The following ARMH4 variants were observed in gnomAD, a reference collection of about 807,000 sequenced individuals.
ARMH4 encodes the protein armadillo like helical domain containing 4.
Under a neutral mutation model 61.9 loss-of-function variants are expected in ARMH4, and 49 were observed. The ratio of observed to expected loss-of-function variants is 0.79; its 90% CI spans 0.63 to 1.00. The LOEUF is 1.00. Among genes scored for constraint, ARMH4 ranks in the 50% least tolerant of loss-of-function variants. The probability of loss-of-function intolerance (pLI) is 0.00; values close to 1 mark genes in which losing one functional copy is unlikely to be tolerated. For missense variants in ARMH4, 934 were observed against 930.0 expected (o/e 1.00, Z -0.06); for synonymous variants, 368 against 341.5 (o/e 1.08, Z -0.85).
At chr14:58,078,665 T>C (rs1885125826) in intron 5 of ARMH4, among the ~76,000 whole-genome samples, 1 of 152,276 alleles carries the variant, frequency 6.6e-6, no homozygotes, top group Admixed American at 6.5e-5. Context: ...TTTGGGTTTA[T>C]GGATCATAAG....
At chr14:58,018,465 T>A (rs530174594) in intron 5 of ARMH4, among the ~76,000 whole-genome samples, 2 of 100,986 alleles carry the variant, frequency 2.0e-5, no homozygotes, top group Admixed American at 1.9e-4. Context: ...AATAGACATT[T>A]CTCAAAAAAA....
At chr14:58,064,979 T>C (rs1884655912) in intron 5 of ARMH4, among the ~76,000 whole-genome samples, 1 of 152,124 alleles carries the variant, frequency 6.6e-6, no homozygotes, top group Non-Finnish European at 1.5e-5. Flanking sequence ...TGTGGTGGTT[T>C]ATGCCTGTAA....
At chr14:58,028,291 T>C (rs1883091905) in intron 5 of ARMH4, among the ~76,000 whole-genome samples, 1 of 152,250 alleles carries the variant, frequency 6.6e-6, no homozygotes, top group Non-Finnish European at 1.5e-5. Context: ...CTGTACACCC[T>C]GAATTGCAGC....
At chr14:58,056,776 C>A (rs934318197) in intron 5 of ARMH4, among the ~76,000 whole-genome samples, 2 of 152,176 alleles carry the variant, frequency 1.3e-5, no homozygotes, top group Non-Finnish European at 2.9e-5. Context: ...CATTGAAACC[C>A]ATTCTCCCCT....
chr14:58,094,084 C>G (rs1002202530), intron 5 of ARMH4, among the ~76,000 whole-genome samples: 8 of 152,088 alleles, frequency 5.3e-5, no homozygotes, highest in Non-Finnish European at 1.0e-4. Context: ...AACCCCAGCA[C>G]TTTGGGAGGC....
At chr14:58,102,858 G>C (rs1436527712) in intron 4 of ARMH4, among the ~76,000 whole-genome samples, 1 of 150,138 alleles carries the variant, frequency 6.7e-6, no homozygotes, top group Admixed American at 6.6e-5. Context: ...CAGAGGTCAG[G>C]CACGGTGGCT....
chr14:58,038,552 T>TAAA (rs71448937), intron 5 of ARMH4, among the ~76,000 whole-genome samples: 35,920 of 136,210 alleles, frequency 0.26, 4,898 homozygotes, highest in Non-Finnish European at 0.3. Flanking sequence ...TAAAGTATAA[T>TAAA]AAAAAAAAAT....
Position 58,004,749 on chromosome 14 carries a change from T to C in ARMH4, c.2312A>G (p.Glu771Gly). The change falls in exon 8 of 8, where the codon GAA becomes GGA. Residue 771 changes from glutamate (E) to glycine (G), a missense_variant. Transcript: ENST00000267485. Reference protein sequence around the residue: ...DRVMLLADSSEDEF With the variant: ...DRVMLLADSSGDEF ...ACCCAGTCCAATTCAAAATTCATCT[T>C]CAGAGCTGTCGGCTAAGAGCATTAC... 6.2e-7 allele frequency: 1 copy of C among 1,609,140 alleles called. No homozygotes were observed.
chr14:58,152,200 G>T lies in ARMH4; in HGVS notation c.-182C>A. 6.4e-6 allele frequency: 1 copy of T among 155,746 alleles called. No homozygotes were observed. Among genetic ancestry groups the T allele is most frequent in the South Asian group, 1.8e-4 (1 of 5,714 alleles). 9.6% of individuals were successfully genotyped at this position (155,746 alleles called of 1,614,324 possible). ...GGCGGCGACTCCCTCCGCTGTCTGG[G>T]ACGCTAGGGGGAGGGCGCTTCGCTT... On this transcript the variant is annotated 5_prime_UTR_variant, in exon 1 of 8. Coordinates refer to ENST00000267485, the MANE Select transcript of ARMH4 (RefSeq NM_001001872.4).
intron 2 of ARMH4, 48 bp from the exon 3 acceptor site, chr14:58,133,389 TA>T (rs201967710): frequency 0.015 from 19,530 of 1,292,026 alleles, 41 homozygotes; most frequent in African/African-American, 0.048. Context: ...CCTATTTTTT[TA>T]AAAAAAAAAA....
At chr14:58,112,103 T>C (rs1363362924) in intron 4 of ARMH4, among the ~76,000 whole-genome samples, 6 of 152,286 alleles carry the variant, frequency 3.9e-5, no homozygotes, top group Non-Finnish European at 7.3e-5. Context: ...TACAATCACA[T>C]TAGTGATTAA....
intron 4 of ARMH4, among the ~76,000 whole-genome samples, chr14:58,110,604 T>A (rs1274373434): frequency 6.6e-6 from 1 of 152,210 alleles, no homozygotes; most frequent in Non-Finnish European, 1.5e-5. Flanking sequence ...TAGAAGTAGT[T>A]TTTTTCATTT....
At chr14:58,023,635 C>A (rs1358668088) in intron 5 of ARMH4, among the ~76,000 whole-genome samples, 1 of 152,210 alleles carries the variant, frequency 6.6e-6, no homozygotes, top group Non-Finnish European at 1.5e-5. Context: ...TGAATGGCAT[C>A]TAGAAAGATG....
rs1468808707 is a variant in ARMH4, at chr14:58,001,065, T to C, written c.*3671A>G. 3 of 152,236 alleles carry C rather than the reference T, an allele frequency of 2.0e-5. No homozygotes were observed. Among genetic ancestry groups the C allele is most frequent in the African/African-American group, 7.2e-5 (3 of 41,466 alleles). The allele number at this position is 152,236 out of a possible 1,614,324, so 9.4% of individuals were successfully genotyped here. Reference sequence around the variant, plus strand: ...AAGCACCATTTTGCCTCTGCCCTTATGAGTTTGATTATTTTGGATACCTCA... The same window carrying C: ...AAGCACCATTTTGCCTCTGCCCTTACGAGTTTGATTATTTTGGATACCTCA... On this transcript the variant is annotated 3_prime_UTR_variant, in exon 8 of 8. Coordinates refer to ENST00000267485, the MANE Select transcript of ARMH4 (RefSeq NM_001001872.4).
At position 58,053,059 on chromosome 14, in the gene ARMH4, T is replaced by C. The variant is rs1884198556; in HGVS notation, c.2090-40909A>G. On this transcript the variant is annotated intron_variant, in intron 5 of 7. Coordinates refer to ENST00000267485, the MANE Select transcript of ARMH4 (RefSeq NM_001001872.4). ...CTTTTGATCCTACCTCCTAAATTACTCTTGAATCCATCCACTCTTCTTCCT... is the reference window on the plus strand; with the variant it reads ...CTTTTGATCCTACCTCCTAAATTACCCTTGAATCCATCCACTCTTCTTCCT... Among the ~76,000 whole-genome samples the C allele has an allele frequency of 2.6e-5, 4 of 152,144 alleles. No homozygotes were observed. The South Asian group carries it at 8.3e-4, about 32-fold the overall frequency.
chr14:58,031,183 A>C (rs1883216037), intron 5 of ARMH4, among the ~76,000 whole-genome samples: 1 of 152,194 alleles, frequency 6.6e-6, no homozygotes, highest in African/African-American at 2.4e-5. Context: ...GAGAAATTGA[A>C]TTGTGTTTCT....
intron 5 of ARMH4, among the ~76,000 whole-genome samples, chr14:58,025,230 C>T (rs1179090464): frequency 6.6e-6 from 1 of 152,130 alleles, no homozygotes; most frequent in Non-Finnish European, 1.5e-5. Context: ...TGGCCAAGTT[C>T]AAGGTAGAAG....
chr14:58,020,484 C>A (rs1168467221), intron 5 of ARMH4, among the ~76,000 whole-genome samples: 2 of 152,008 alleles, frequency 1.3e-5, no homozygotes, highest in Non-Finnish European at 2.9e-5. Context: ...GTCTGTCTGT[C>A]CTTTCTCTCC....
intron 2 of ARMH4, among the ~76,000 whole-genome samples, chr14:58,134,343 C>T (rs1566597145): frequency 6.6e-6 from 1 of 152,114 alleles, no homozygotes; most frequent in Admixed American, 6.6e-5. Context: ...GTCACAGGTC[C>T]ACTTGCTTTA....
Sources: allele counts gnomAD v4.1 joint callset (sites outside exome capture counted in the v4.1 genomes callset), GRCh38; gene constraint gnomAD v4.1.1; transcripts MANE v1.5; gene names NCBI Gene and HGNC (gene_info 2026-07-23, HGNC 2026-07-21).